The following LRRCC1 variants were observed in gnomAD, a reference collection of about 807,000 sequenced individuals.
The protein encoded by LRRCC1 is leucine rich repeat and coiled-coil centrosomal protein 1.
In LRRCC1, 115 loss-of-function variants were observed where a neutral mutation model predicts 126.0. The observed-to-expected ratio is 0.91, with a 90% confidence interval of 0.78 to 1.07. The LOEUF (loss-of-function observed/expected upper bound fraction) is 1.07, where lower values mean the gene tolerates loss of function less well. Among genes scored for constraint, LRRCC1 ranks in the 50% least tolerant of loss-of-function variants. The pLI is 0.00. For missense variants in LRRCC1, 1,172 were observed against 1,175.7 expected (o/e 1.00, Z 0.05); for synonymous variants, 400 against 393.4 (o/e 1.02, Z -0.20).
intron 6 of LRRCC1, 88 bp downstream of exon 6, chr8:85,115,672 AC>A: frequency 1.1e-6 from 1 of 928,786 alleles, no homozygotes; most frequent in Non-Finnish European, 1.6e-6. Context: ...GTACTAGCTG[AC>A]CAACCTATTT....
intron 9 of LRRCC1, among the ~76,000 whole-genome samples, chr8:85,127,683 C>T (rs563695117): frequency 2.0e-4 from 30 of 152,248 alleles, no homozygotes; most frequent in African/African-American, 5.8e-4. Context: ...GTTTTCTACC[C>T]CACTGCATGT....
intron 3 of LRRCC1, among the ~76,000 whole-genome samples, chr8:85,111,441 G>A (rs1210565737): frequency 6.6e-6 from 1 of 152,164 alleles, no homozygotes; most frequent in Non-Finnish European, 1.5e-5. Flanking sequence ...GTTTAGCAAG[G>A]TGTTTACTGT....
In LRRCC1 at chr8:85,142,307, C is replaced by T. The variant is rs144018753; in HGVS notation, c.2976+790C>T. 1.5e-3 allele frequency among the ~76,000 whole-genome samples: 233 copies of T among 152,076 alleles called. 6 individuals carry two copies. In the East Asian group the frequency reaches 0.035, roughly 23 times the overall value. On this transcript the variant is annotated intron_variant, in intron 18 of 18. Coordinates refer to ENST00000360375, the MANE Select transcript of LRRCC1 (RefSeq NM_033402.5). ...ATTCTGTCTCAAAGAAAAAAAACAC[C>T]ATATTCATGAACTTCCCCTCAGAGA...
At chr8:85,107,825 A>C (rs998973058) in intron 1 of LRRCC1, 1 of 155,006 alleles carries the variant, frequency 6.5e-6, no homozygotes, top group South Asian at 2.1e-4. Flanking sequence ...TCTGGCAGCT[A>C]TGAGCGGGCA....
chr8:85,129,020 TA>T (rs1330191533), intron 9 of LRRCC1, among the ~76,000 whole-genome samples, 154 bp from the exon 10 acceptor site: 1 of 152,202 alleles, frequency 6.6e-6, no homozygotes, highest in African/African-American at 2.4e-5. Flanking sequence ...CCCCTACCCA[TA>T]TACAGTCTAG....
chr8:85,117,035 T>C (rs531528035), intron 6 of LRRCC1, among the ~76,000 whole-genome samples: 1 of 152,348 alleles, frequency 6.6e-6, no homozygotes, highest in African/African-American at 2.4e-5. Context: ...TCTTTTCTAA[T>C]GGCTGACTCT....
Position 85,127,003 on chromosome 8 carries a change from A to G in LRRCC1, c.1421+166A>G, listed in dbSNP as rs1000471923. 2.6e-5 allele frequency among the ~76,000 whole-genome samples: 4 copies of G among 152,286 alleles called. No individual in the cohort carries two copies. In the East Asian group the frequency reaches 5.8e-4, roughly 22 times the overall value. On this transcript the variant is annotated intron_variant, in intron 9 of 18. Transcript: ENST00000360375. The stretch of plus-strand genomic sequence containing the variant: ...CAATTTAGCACTTTATTAGCTTGTT[A>G]TATCAACAAGAAATTCAGGTACATG...
intron 1 of LRRCC1, chr8:85,107,799 C>A (rs1180159376): frequency 1.3e-5 from 2 of 158,008 alleles, no homozygotes; most frequent in Admixed American, 1.3e-4. Context: ...CTGAAAAAAA[C>A]CTGCAGGATA....
chr8:85,135,470 C>A (rs1810784171), intron 13 of LRRCC1, among the ~76,000 whole-genome samples: 1 of 151,978 alleles, frequency 6.6e-6, no homozygotes, highest in Non-Finnish European at 1.5e-5. Context: ...TGCTATTTTA[C>A]CCAAAATTTG....
intron 15 of LRRCC1, 21 bp from the exon 16 acceptor site, chr8:85,138,014 G>C: frequency 7.5e-7 from 1 of 1,337,352 alleles, no homozygotes. Flanking sequence ...TAAAAACAAA[G>C]TGCCAATTTT....
At chr8:85,107,602 C>A in intron 1 of LRRCC1, 1 of 474,562 alleles carries the variant, frequency 2.1e-6, no homozygotes, top group Non-Finnish European at 3.7e-6. Flanking sequence ...GCCTTCCCGC[C>A]CGTGTCTCCT....
intron 6 of LRRCC1, among the ~76,000 whole-genome samples, chr8:85,119,232 A>C (rs1224383910): frequency 6.6e-6 from 1 of 152,016 alleles, no homozygotes; most frequent in Non-Finnish European, 1.5e-5. Context: ...TATCAGCATA[A>C]AATTGTTAAT....
chr8:85,129,291 A>C lies in LRRCC1; in HGVS notation c.1538A>C (p.Gln513Pro). 2 of 1,613,940 alleles carry C rather than the reference A, an allele frequency of 1.2e-6. No individual in the cohort carries two copies. Among genetic ancestry groups the C allele is most frequent in the Non-Finnish European group, 1.7e-6 (2 of 1,179,922 alleles). ...LTVELMKAKD[Q>P]QEDHLKHLRT... is the part of the protein sequence containing the mutation. ...GTTGAACTAATGAAAGCAAAAGATCAACAAGAGGATCACCTTAAACACTTA... is the reference window on the plus strand; with the variant it reads ...GTTGAACTAATGAAAGCAAAAGATCCACAAGAGGATCACCTTAAACACTTA... The change falls in exon 10 of 19, where the codon CAA becomes CCA. Residue 513 changes from glutamine (Q) to proline (P), a missense_variant. By Grantham distance (76) the Gln-to-Pro change is moderately conservative. Coordinates refer to ENST00000360375, the MANE Select transcript of LRRCC1 (RefSeq NM_033402.5).
intron 7 of LRRCC1, among the ~76,000 whole-genome samples, chr8:85,124,236 T>C (rs1809787081): frequency 6.6e-6 from 1 of 152,310 alleles, no homozygotes; most frequent in Non-Finnish European, 1.5e-5. Context: ...ATTCTCCTTT[T>C]GCAAAGCATA....
At chr8:85,138,297 T>G (rs1811015477) in intron 16 of LRRCC1, 41 bp from the exon 17 acceptor site, 2 of 1,584,502 alleles carry the variant, frequency 1.3e-6, no homozygotes, top group Middle Eastern at 1.7e-4. Flanking sequence ...CTTAATAATT[T>G]AATAAACCCA....
In LRRCC1 at chr8:85,135,942, G is replaced by A; in HGVS notation, c.2308G>A (p.Gly770Arg). The A allele has an allele frequency of 6.3e-7, 1 of 1,575,572 alleles. No individual in the cohort carries two copies. The highest frequency in any genetic ancestry group is 8.6e-7 in the Non-Finnish European group (1 of 1,162,268). ...FGLRTERKVWGHELAQQGSSL... is the reference protein window; with the variant it reads ...FGLRTERKVWRHELAQQGSSL... The stretch of plus-strand genomic sequence containing the variant: ...TTTAAGGACAGAAAGAAAAGTATGG[G>A]GACATGAGCTGGCACAACAAGGTAA... Residue 770 changes from glycine (G) to arginine (R), a missense_variant, in exon 14 of 19, where the codon GGA (glycine) becomes AGA (arginine). Physicochemically the swap from Gly to Arg is moderately radical, Grantham distance 125 (BLOSUM62 -2). Coordinates refer to ENST00000360375, the MANE Select transcript of LRRCC1 (RefSeq NM_033402.5).
Position 85,138,079 on chromosome 8 carries a change from G to T in LRRCC1, c.2538G>T (p.Lys846Asn), listed in dbSNP as rs375559681. Residue 846 changes from lysine (K) to asparagine (N), a missense_variant, in exon 16 of 19, where the codon AAG (lysine) becomes AAT (asparagine). Coordinates refer to ENST00000360375, the MANE Select transcript of LRRCC1 (RefSeq NM_033402.5). Reference sequence around the variant, plus strand: ...AACACATCAAAAGATTACAAGAAAAGATCACAGAAATAGAAAAATGCACTC... The same window carrying T: ...AACACATCAAAAGATTACAAGAAAATATCACAGAAATAGAAAAATGCACTC... ...KDEHIKRLQEKITEIEKCTQE... is the reference protein window; with the variant it reads ...KDEHIKRLQENITEIEKCTQE... 2 of 1,596,396 alleles carry T rather than the reference G, an allele frequency of 1.3e-6. No homozygotes were observed. The highest frequency in any genetic ancestry group is 2.7e-5 in the African/African-American group (2 of 74,330).
At chr8:85,123,766 G>T (rs1402726826) in intron 7 of LRRCC1, among the ~76,000 whole-genome samples, 160 bp downstream of exon 7, 2 of 152,066 alleles carry the variant, frequency 1.3e-5, no homozygotes, top group African/African-American at 4.8e-5. Flanking sequence ...TCATGTAAAT[G>T]TATATAAAAG....
Position 85,145,433 on chromosome 8 carries a change from A to G in LRRCC1, c.3021A>G (p.Thr1007=). ...EKEMRELLEE[T]CKNKKTMEAK... ...AAATGCGTGAACTTTTGGAAGAAAC[A>G]TGCAAGAACAAAAAAACAATGGAAG... is the stretch of plus-strand genomic sequence containing the variant. Residue 1007 remains threonine (T), a synonymous_variant, in exon 19 of 19, where the codon ACA becomes ACG. Transcript: ENST00000360375. The G allele has an allele frequency of 6.3e-7, 1 of 1,577,172 alleles. No individual in the cohort carries two copies. The highest frequency in any genetic ancestry group is 8.6e-7 in the Non-Finnish European group (1 of 1,165,892).
Sources: gnomAD v4.1 joint callset for allele counts (sites outside exome capture counted in the v4.1 genomes callset) on GRCh38, gnomAD v4.1.1 for gene constraint, MANE v1.5 for transcripts, NCBI Gene and HGNC (gene_info 2026-07-23, HGNC 2026-07-21) for gene names.